Variants in LAMB3 observed in about 807,000 individuals in gnomAD.
LAMB3 encodes the protein laminin subunit beta 3, also known as laminin subunit beta-3.
In LAMB3, 104 loss-of-function variants were observed where a neutral mutation model predicts 140.3. The observed-to-expected ratio is 0.74, with a 90% CI of 0.63 to 0.87. LAMB3 has a LOEUF of 0.87. Among genes scored for constraint, LAMB3 ranks in the 40% least tolerant of loss-of-function variants. The pLI is 0.00. For missense variants in LAMB3, 1,531 were observed against 1,575.2 expected (o/e 0.97, Z 0.47); for synonymous variants, 592 against 602.9 (o/e 0.98, Z 0.26).
chr1:209,651,615 C>A (rs2076567044), intron 1 of LAMB3, among the ~76,000 whole-genome samples: 1 of 152,096 alleles, frequency 6.6e-6, no homozygotes, highest in Non-Finnish European at 1.5e-5. Flanking sequence ...GGGAAGCAAC[C>A]CAAAATGTCT....
In LAMB3 at chr1:209,623,452, G is replaced by T; in HGVS notation, c.2358+53C>A. ...GGAAGCAGGTGGCAGCAGTTGGTGT[G>T]TGACAAGCTGGGGTGTGGGCTCCAG... On this transcript the variant is annotated intron_variant, in intron 16 of 22. Transcript: ENST00000356082. The surrounding 1 kb of genome is among the most constrained non-coding windows in gnomAD (Gnocchi z 4.2). 1 of 1,547,732 alleles carries T rather than the reference G, an allele frequency of 6.5e-7. No individual in the cohort carries two copies. The highest frequency in any genetic ancestry group is 8.9e-7 in the Non-Finnish European group (1 of 1,119,442).
At chr1:209,638,310 A>C (rs1216480477) in intron 4 of LAMB3, among the ~76,000 whole-genome samples, 2 of 152,144 alleles carry the variant, frequency 1.3e-5, no homozygotes, top group African/African-American at 4.8e-5. Flanking sequence ...GGAAATAAAG[A>C]CATTCCTCTC....
Position 209,650,092 on chromosome 1 carries a change from G to T in LAMB3, c.55C>A (p.Gln19Lys), listed in dbSNP as rs200672750. The change falls in exon 3 of 23, where the codon CAA becomes AAA. Residue 19 changes from glutamine to lysine, a missense_variant. Coordinates refer to ENST00000356082, the MANE Select transcript of LAMB3 (RefSeq NM_000228.3). ...TAGCAGGCCCCACGGGAGCAGGCTT[G>T]TTGGGCATGCAGGAGGCCAGGCAGG... ...FALPGLLHAQ[Q>K]ACSRGACYPP... 2.5e-5 allele frequency: 41 copies of T among 1,613,956 alleles called. No individual in the cohort carries two copies. The highest frequency in any genetic ancestry group is 2.2e-4 in the Admixed American group (13 of 59,996).
At chr1:209,618,391 T>C in intron 19 of LAMB3, 61 bp downstream of exon 19, 2 of 1,538,742 alleles carry the variant, frequency 1.3e-6, no homozygotes, top group Non-Finnish European at 1.8e-6. Context: ...AGCAACGGGG[T>C]TGAGGAGCAA....
At chr1:209,630,574 G>A (rs777509055) in intron 9 of LAMB3, 41 bp downstream of exon 9, 13 of 1,612,120 alleles carry the variant, frequency 8.1e-6, no homozygotes, top group South Asian at 4.4e-5. Flanking sequence ...GCCAGCACTC[G>A]ACCCAGACCC....
rs114295238 is a variant in LAMB3, at chr1:209,649,967, G to A, written c.180C>T (p.Gly60=). The stretch of plus-strand genomic sequence containing the variant: ...AGTCCTGGGAAGTAGGGCCTACCTC[G>A]CCATACTGGGTGCAGTAGGTCTCAG... ...TKPETYCTQY[G]EWQMKCCKCD... Residue 60 remains glycine, a synonymous_variant, in exon 3 of 23, where the codon GGC becomes GGT. Transcript: ENST00000356082. The A allele has an allele frequency of 2.0e-5, 32 of 1,614,134 alleles. No individual in the cohort carries two copies. In the East Asian group the frequency reaches 4.9e-4, roughly 25 times the overall value.
chr1:209,623,375 G>T lies in LAMB3; in HGVS notation c.2358+130C>A. 9.4e-7 allele frequency: 1 copy of T among 1,064,804 alleles called. No individual in the cohort carries two copies. The highest frequency in any genetic ancestry group is 1.4e-6 in the Non-Finnish European group (1 of 695,452). The allele number at this position is 1,064,804 out of a possible 1,614,324, so 66.0% of individuals were successfully genotyped here. A position where few individuals can be genotyped will look rare whatever the true frequency, so the allele number is the denominator to read the frequency against. On this transcript the variant is annotated intron_variant, in intron 16 of 22. Coordinates refer to ENST00000356082, the MANE Select transcript of LAMB3 (RefSeq NM_000228.3). This position sits in a 1 kb window ranked among gnomAD's most constrained non-coding sequence, Gnocchi z 4.2. The stretch of plus-strand genomic sequence containing the variant: ...TGAGCTCACAGTGAGCAGTACAAGG[G>T]TCGGGATGGCTGGGGGAGTGGGGTT...
chr1:209,626,832 A>T (rs751925658), intron 13 of LAMB3, 35 bp downstream of exon 13: 3 of 1,550,702 alleles, frequency 1.9e-6, no homozygotes, highest in Non-Finnish European at 8.9e-7. Context: ...CTCGGCCCCC[A>T]GAGCCTCAGC....
At chr1:209,638,242 A>G (rs1666955308) in intron 4 of LAMB3, among the ~76,000 whole-genome samples, 1 of 152,134 alleles carries the variant, frequency 6.6e-6, no homozygotes, top group Middle Eastern at 3.2e-3. Flanking sequence ...TGTCTGTTCC[A>G]CACAGACTTG....
rs1356344530 is a variant in LAMB3, at chr1:209,650,973, G to T, written c.-29C>A. The stretch of plus-strand genomic sequence containing the variant: ...CAGCCAATGGGGTGATCCCCAGAAA[G>T]GACCTTTCCTAGGACACAGCAAAGC... On this transcript the variant is annotated 5_prime_UTR_variant, in exon 2 of 23. Coordinates refer to ENST00000356082, the MANE Select transcript of LAMB3 (RefSeq NM_000228.3). 4 of 1,613,596 alleles carry T rather than the reference G, an allele frequency of 2.5e-6. No individual in the cohort carries two copies. The highest frequency in any genetic ancestry group is 3.3e-5 in the Admixed American group (2 of 60,030).
chr1:209,634,671 G>A (rs1401274963), intron 5 of LAMB3, 33 bp from the exon 6 acceptor site: 3 of 1,569,858 alleles, frequency 1.9e-6, no homozygotes, highest in East Asian at 2.3e-5. Flanking sequence ...CAGAGGGGAG[G>A]CACTGGGGCT....
Position 209,623,530 on chromosome 1 carries a change from G to A in LAMB3, c.2333C>T (p.Pro778Leu), listed in dbSNP as rs2102415193. Reference sequence around the variant, plus strand: ...CTTGTTGAAGGTGGGTGTCAGGTCAGGCAACGAAGACATCTCCAGCCTCAG... The same window carrying A: ...CTTGTTGAAGGTGGGTGTCAGGTCAAGCAACGAAGACATCTCCAGCCTCAG... ...VALRLEMSSL[P>L]DLTPTFNKLC... is the part of the protein sequence containing the mutation. Residue 778 changes from proline to leucine, a missense_variant, in exon 16 of 23, where the codon CCT (proline) becomes CTT (leucine). Transcript: ENST00000356082. The surrounding 1 kb of genome is among the most constrained non-coding windows in gnomAD (Gnocchi z 4.2). 3.7e-6 allele frequency: 6 copies of A among 1,614,208 alleles called. No individual in the cohort carries two copies. The highest frequency in any genetic ancestry group is 5.1e-6 in the Non-Finnish European group (6 of 1,180,022).
At chr1:209,615,609 C>T (rs1187983692) in intron 22 of LAMB3, among the ~76,000 whole-genome samples, 1 of 152,312 alleles carries the variant, frequency 6.6e-6, no homozygotes, top group Non-Finnish European at 1.5e-5. Flanking sequence ...CTGGCAGGGG[C>T]CAAACCCAGC....
At chr1:209,639,624 TACACACACAC>T (rs55827014) in intron 3 of LAMB3, among the ~76,000 whole-genome samples, 5 of 151,834 alleles carry the variant, frequency 3.3e-5, no homozygotes, top group South Asian at 2.1e-4. Flanking sequence ...CATATACACA[TACACACACAC>T]ACACACACGC....
intron 3 of LAMB3, 69 bp from the exon 4 acceptor site, chr1:209,638,717 AT>A: frequency 1.1e-6 from 1 of 916,850 alleles, no homozygotes; most frequent in Non-Finnish European, 1.8e-6. Flanking sequence ...GCGTCCTGAG[AT>A]CCCAGCATAT....
At chr1:209,621,966 G>C (rs1434318919) in intron 18 of LAMB3, among the ~76,000 whole-genome samples, 1 of 152,352 alleles carries the variant, frequency 6.6e-6, no homozygotes, top group Middle Eastern at 3.4e-3. Flanking sequence ...AGGGTGAGTA[G>C]TGCAAGGAAA....
rs1224825231 is a variant in LAMB3, at chr1:209,650,904, A to G, written c.28+13T>C. 6.2e-7 allele frequency: 1 copy of G among 1,613,936 alleles called. No individual in the cohort carries two copies. The highest frequency in any genetic ancestry group is 2.2e-5 in the East Asian group (1 of 44,874). ...ATATAACAGGGCCTGGAAGGATGGG[A>G]AGGGGTACTTACCAAAACACAAGAG... On this transcript the variant is annotated intron_variant, in intron 2 of 22. Transcript: ENST00000356082.
At chr1:209,652,020 G>T (rs1332585286) in intron 1 of LAMB3, among the ~76,000 whole-genome samples, 1 of 152,098 alleles carries the variant, frequency 6.6e-6, no homozygotes, top group Non-Finnish European at 1.5e-5. Flanking sequence ...GCTAACGATG[G>T]CCTAAGAGAG....
In LAMB3 at chr1:209,622,691, A is replaced by G. The variant is rs1300942232; in HGVS notation, c.2557-11T>C. 6.2e-7 allele frequency: 1 copy of G among 1,614,082 alleles called. No homozygotes were observed. Among genetic ancestry groups the G allele is most frequent in the Non-Finnish European group, 8.5e-7 (1 of 1,179,998 alleles). The stretch of plus-strand genomic sequence containing the variant: ...CTCGGCTGCCCTAATCTGTTGACAT[A>G]CACTCTAGGTCAGAAGGGGTAAGGC... On this transcript the variant is annotated splice_polypyrimidine_tract_variant and intron_variant, in intron 17 of 22. Transcript: ENST00000356082.
Sources: allele counts gnomAD v4.1 joint callset (sites outside exome capture counted in the v4.1 genomes callset), GRCh38; gene constraint gnomAD v4.1.1; non-coding constraint Gnocchi (gnomAD v3.1); transcripts MANE v1.5; gene names NCBI Gene and HGNC (gene_info 2026-07-23, HGNC 2026-07-21).